The following FBLIM1 variants were observed in gnomAD, a reference collection of about 807,000 sequenced individuals.
The protein encoded by FBLIM1 is filamin binding LIM protein 1, also known as filamin-binding LIM protein 1.
Under a neutral mutation model 37.4 loss-of-function variants are expected in FBLIM1, and 29 were observed. The observed-to-expected ratio is 0.77, with a 90% CI of 0.58 to 1.06. The LOEUF is 1.06. Among genes scored for constraint, FBLIM1 ranks in the 50% least tolerant of loss-of-function variants. The pLI is 0.00. For missense variants in FBLIM1, 449 were observed against 505.6 expected (o/e 0.89, Z 1.07); for synonymous variants, 193 against 199.0 (o/e 0.97, Z 0.25).
At chr1:15,779,754 T>C (rs182515392) in intron 8 of FBLIM1, among the ~76,000 whole-genome samples, 1 of 152,266 alleles carries the variant, frequency 6.6e-6, no homozygotes, top group Non-Finnish European at 1.5e-5. Context: ...GGCGAGCTGA[T>C]TAGAAGCTGG....
intron 1 of FBLIM1, among the ~76,000 whole-genome samples, chr1:15,760,728 C>A (rs990266878): frequency 3.2e-4 from 48 of 152,222 alleles, no homozygotes; most frequent in African/African-American, 1.1e-3. Flanking sequence ...CTCCTTCCTT[C>A]CTTTGGACAG....
In FBLIM1 at chr1:15,767,373, C is replaced by T; in HGVS notation, c.251-3C>T. On this transcript the variant is annotated splice_region_variant and splice_polypyrimidine_tract_variant and intron_variant, in intron 3 of 8. Transcript: ENST00000375766. ...ACCAGCCCTCTCTCCTCCCCCATTG[C>T]AGGATGCCCACCCCCTCCTCCTGTC... The T allele has an allele frequency of 6.4e-7, 1 of 1,560,640 alleles. No individual in the cohort carries two copies. Among genetic ancestry groups the T allele is most frequent in the Non-Finnish European group, 8.7e-7 (1 of 1,155,536 alleles).
intron 6 of FBLIM1, among the ~76,000 whole-genome samples, chr1:15,770,849 C>G (rs1017501563): frequency 4.6e-5 from 7 of 152,248 alleles, no homozygotes; most frequent in African/African-American, 1.7e-4. Context: ...ATCAGCTTCA[C>G]TGGGCCAAAA....
intron 1 of FBLIM1, among the ~76,000 whole-genome samples, chr1:15,762,463 A>G (rs1188507264): frequency 6.6e-6 from 1 of 152,036 alleles, no homozygotes; most frequent in African/African-American, 2.4e-5. Context: ...GGGTTTCACC[A>G]TCTTGGCCAG....
intron 7 of FBLIM1, chr1:15,775,041 A>G: frequency 1.3e-6 from 1 of 741,502 alleles, no homozygotes; most frequent in South Asian, 2.0e-5. Context: ...ACATGGTGAA[A>G]CCCCGTCTCT....
At chr1:15,774,408 T>A (rs983672812) in intron 6 of FBLIM1, among the ~76,000 whole-genome samples, 1 of 152,258 alleles carries the variant, frequency 6.6e-6, no homozygotes, top group Non-Finnish European at 1.5e-5. Flanking sequence ...ATCAGGGCAG[T>A]ATTCCTTGCT....
chr1:15,786,103 C>A lies in FBLIM1; in HGVS notation c.*1442C>A, dbSNP rs2148673753. ...GTTATGACCTCAAGTCCTACTTGGG[C>A]CCTGCAGCCCAGCCTGTGTTGTAAC... On this transcript the variant is annotated 3_prime_UTR_variant, in exon 9 of 9. Transcript: ENST00000375766. The A allele has an allele frequency of 1.3e-5, 2 of 152,414 alleles. No homozygotes were observed. The highest frequency in any genetic ancestry group is 6.8e-3 in the Middle Eastern group (2 of 294). The allele number at this position is 152,414 out of a possible 1,614,324, so 9.4% of individuals were successfully genotyped here. A position where few individuals can be genotyped will look rare whatever the true frequency, so the allele number is the denominator to read the frequency against.
chr1:15,764,811 C>A, intron 2 of FBLIM1, 126 bp downstream of exon 2: 1 of 946,224 alleles, frequency 1.1e-6, no homozygotes, highest in Non-Finnish European at 1.6e-6. Flanking sequence ...ACACCCCCAC[C>A]CCTTCTCTGG....
At chr1:15,768,434 C>G (rs75810546) in intron 4 of FBLIM1, 94 bp from the exon 5 acceptor site, 7 of 788,576 alleles carry the variant, frequency 8.9e-6, no homozygotes, top group Non-Finnish European at 1.3e-5. Flanking sequence ...CGGTACAATG[C>G]GGCTAATTGT....
intron 6 of FBLIM1, among the ~76,000 whole-genome samples, chr1:15,773,613 A>G (rs1264145250): frequency 4.8e-5 from 7 of 145,150 alleles, no homozygotes; most frequent in Non-Finnish European, 9.0e-5. Flanking sequence ...CCGGGAAACG[A>G]GGTTGTGGTG....
chr1:15,757,684 C>T (rs2068476436), upstream of FBLIM1, among the ~76,000 whole-genome samples: 1 of 152,010 alleles, frequency 6.6e-6, no homozygotes. This position sits in a 1 kb window ranked among gnomAD's most constrained non-coding sequence, Gnocchi z 4.1. Flanking sequence ...CTGGCCACCC[C>T]GCAGATGGCG....
intron 6 of FBLIM1, among the ~76,000 whole-genome samples, chr1:15,772,388 C>T (rs1383180185): frequency 6.6e-6 from 1 of 152,006 alleles, no homozygotes; most frequent in Non-Finnish European, 1.5e-5. Flanking sequence ...GAGGGGTGTC[C>T]AGCTGGAAGC....
chr1:15,780,392 G>A (rs558347977), intron 8 of FBLIM1, among the ~76,000 whole-genome samples: 1 of 151,608 alleles, frequency 6.6e-6, no homozygotes, highest in Non-Finnish European at 1.5e-5. Context: ...TAGAGATGGG[G>A]TTTCGCCATG....
chr1:15,770,615 G>T, intron 6 of FBLIM1, 37 bp downstream of exon 6: 2 of 1,606,338 alleles, frequency 1.2e-6, no homozygotes, highest in South Asian at 1.1e-5. Context: ...GCCAGGCAGT[G>T]AGCTGAGCAC....
At chr1:15,762,400 T>C (rs2068716556) in intron 1 of FBLIM1, among the ~76,000 whole-genome samples, 1 of 151,714 alleles carries the variant, frequency 6.6e-6, no homozygotes, top group Admixed American at 6.6e-5. Flanking sequence ...GTAGCTGAGA[T>C]AACAGGCGTC....
chr1:15,765,020 G>A lies in FBLIM1; in HGVS notation c.37G>A (p.Val13Ile), dbSNP rs750020470. The change falls in exon 3 of 9, where the codon GTC (valine) becomes ATC (isoleucine). Residue 13 changes from valine (V) to isoleucine (I), a missense_variant. Transcript: ENST00000375766. This position sits in a 1 kb window ranked among gnomAD's most constrained non-coding sequence, Gnocchi z 5.9. ...SKPEKRVASS[V>I]FITLAPPRRD... ...GCCTGAGAAGAGGGTGGCATCGTCT[G>A]TCTTTATCACCCTGGCACCCCCGCG... 1.2e-6 allele frequency: 2 copies of A among 1,613,998 alleles called. No homozygotes were observed.
chr1:15,762,472 A>G (rs528922246), intron 1 of FBLIM1, among the ~76,000 whole-genome samples: 43 of 151,972 alleles, frequency 2.8e-4, no homozygotes, highest in Non-Finnish European at 5.7e-4. Context: ...CATCTTGGCC[A>G]GGCTGGTCTT....
Position 15,768,607 on chromosome 1 carries a change from C to T in FBLIM1, c.518C>T (p.Pro173Leu). ...EEELPPPPAE[P>L]VEKGASTDIC... The stretch of plus-strand genomic sequence containing the variant: ...GAGCTGCCACCTCCCCCGGCAGAAC[C>T]TGTTGAGAAAGGGGCATCCACAGGT... The change falls in exon 5 of 9, where the codon CCT (proline) becomes CTT (leucine). Residue 173 changes from proline (P) to leucine (L), a missense_variant. By Grantham distance (98) the Pro-to-Leu change is moderately conservative. Transcript: ENST00000375766. 1 of 1,612,064 alleles carries T rather than the reference C, an allele frequency of 6.2e-7. No individual in the cohort carries two copies. The highest frequency in any genetic ancestry group is 1.7e-4 in the Middle Eastern group (1 of 6,058).
chr1:15,760,361 C>A (rs896730681), intron 1 of FBLIM1, among the ~76,000 whole-genome samples: 3 of 152,090 alleles, frequency 2.0e-5, no homozygotes, highest in African/African-American at 7.2e-5. Flanking sequence ...GAAACCCTGT[C>A]TCTACCAAAA....
Sources: gnomAD v4.1 joint callset for allele counts (sites outside exome capture counted in the v4.1 genomes callset) on GRCh38, gnomAD v4.1.1 for gene constraint, Gnocchi (gnomAD v3.1) non-coding constraint, MANE v1.5 for transcripts, NCBI Gene and HGNC (gene_info 2026-07-23, HGNC 2026-07-21) for gene names.